RAI14: variants seen among roughly 807,000 people sequenced by gnomAD.
The protein encoded by RAI14 is retinoic acid induced 14, also known as ankycorbin.
In RAI14, 45 loss-of-function variants were observed where a neutral mutation model predicts 115.4. The ratio of observed to expected loss-of-function variants is 0.39; its 90% confidence interval spans 0.31 to 0.50. The LOEUF (loss-of-function observed/expected upper bound fraction) is 0.50, where lower values mean the gene tolerates loss of function less well. Ranked by LOEUF, RAI14 falls within the 20% of genes least tolerant of loss-of-function variation. The probability of loss-of-function intolerance (pLI) is 0.85; values close to 1 mark genes in which losing one functional copy is unlikely to be tolerated. For missense variants in RAI14, 939 were observed against 1,131.2 expected (o/e 0.83, Z 2.44); for synonymous variants, 371 against 415.4 (o/e 0.89, Z 1.30).
chr5:34,810,310 A>C (rs1755429448), intron 7 of RAI14, among the ~76,000 whole-genome samples: 1 of 152,156 alleles, frequency 6.6e-6, no homozygotes, highest in Admixed American at 6.5e-5. Flanking sequence ...AAAAATACTT[A>C]TGTATATTCT....
chr5:34,704,761 G>A (rs1387723420), intron 2 of RAI14, among the ~76,000 whole-genome samples: 1 of 152,122 alleles, frequency 6.6e-6, no homozygotes, highest in Non-Finnish European at 1.5e-5. Flanking sequence ...TGAAGAAATT[G>A]TTACCTTTAT....
chr5:34,737,568 G>T (rs558122060), intron 2 of RAI14, among the ~76,000 whole-genome samples: 1 of 149,342 alleles, frequency 6.7e-6, no homozygotes, highest in South Asian at 2.1e-4. Flanking sequence ...ACCAGCCTGG[G>T]CAACACAGAC....
chr5:34,672,883 G>A (rs1037915148), intron 1 of RAI14, among the ~76,000 whole-genome samples: 1 of 150,484 alleles, frequency 6.6e-6, no homozygotes, highest in Admixed American at 6.6e-5. Flanking sequence ...TTCTCACATT[G>A]TTTCTGCCTA....
Position 34,661,429 on chromosome 5 carries a change from TTTG to T in RAI14, c.-49+4960_-49+4962del, listed in dbSNP as rs565679978. Among the ~76,000 whole-genome samples the T allele has an allele frequency of 9.8e-5, 15 of 152,296 alleles. 1 individual carries two copies. Among genetic ancestry groups the T allele is most frequent in the African/African-American group, 3.6e-4 (15 of 41,570 alleles). On this transcript the variant is annotated intron_variant, in intron 1 of 17. Coordinates refer to ENST00000265109, the MANE Select transcript of RAI14 (RefSeq NM_015577.3). ...GTTTGATGAACAAATGGATATGCTT[TTTG>T]TTGTTATTTTTTCTCTGTGGAATTT... is the stretch of plus-strand genomic sequence containing the variant.
chr5:34,735,688 T>C (rs978035955), intron 2 of RAI14, among the ~76,000 whole-genome samples: 13 of 152,256 alleles, frequency 8.5e-5, no homozygotes, highest in Non-Finnish European at 2.9e-5. Context: ...GTTATTCATC[T>C]TATGGTCTAT....
chr5:34,773,733 A>G (rs1580208915), intron 3 of RAI14, among the ~76,000 whole-genome samples: 1 of 152,220 alleles, frequency 6.6e-6, no homozygotes, highest in African/African-American at 2.4e-5. Flanking sequence ...TAGAATGACT[A>G]TTATTACAAA....
At chr5:34,803,526 C>G (rs1246259430) in intron 4 of RAI14, among the ~76,000 whole-genome samples, 186 bp from the exon 5 acceptor site, 1 of 151,912 alleles carries the variant, frequency 6.6e-6, no homozygotes, top group African/African-American at 2.4e-5. Flanking sequence ...CACTGCATTC[C>G]AGCCTGGGTG....
intron 2 of RAI14, among the ~76,000 whole-genome samples, chr5:34,721,172 C>G (rs1742669740): frequency 6.6e-6 from 1 of 151,658 alleles, no homozygotes. Context: ...TCTGTAAGGT[C>G]TTCGGCCTCC....
At position 34,830,870 on chromosome 5, in the gene RAI14, G is replaced by A. The variant is rs964167195; in HGVS notation, c.*105G>A. Reference sequence around the variant, plus strand: ...GTTCTCATTCGTGGTATGCACTGTGGCCTAGCGTAGCTTCTTCCCTTTCCA... The same window carrying A: ...GTTCTCATTCGTGGTATGCACTGTGACCTAGCGTAGCTTCTTCCCTTTCCA... On this transcript the variant is annotated 3_prime_UTR_variant, in exon 18 of 18. Transcript: ENST00000265109. The A allele has an allele frequency of 1.3e-6, 2 of 1,534,842 alleles. No homozygotes were observed. The highest frequency in any genetic ancestry group is 1.8e-6 in the Non-Finnish European group (2 of 1,140,214).
intron 2 of RAI14, chr5:34,687,485 C>A: frequency 8.2e-7 from 1 of 1,214,898 alleles, no homozygotes; most frequent in Non-Finnish European, 1.1e-6. Context: ...TCTAACCAAT[C>A]CATAAAAGAC....
intron 1 of RAI14, among the ~76,000 whole-genome samples, chr5:34,673,396 C>G (rs1421702946): frequency 6.6e-6 from 1 of 152,200 alleles, no homozygotes; most frequent in Non-Finnish European, 1.5e-5. Flanking sequence ...CCTGCAGATT[C>G]AAAGGGGACA....
chr5:34,755,874 G>A (rs776046342), intron 2 of RAI14, among the ~76,000 whole-genome samples: 4 of 151,720 alleles, frequency 2.6e-5, no homozygotes, highest in Non-Finnish European at 5.9e-5. Flanking sequence ...TCCAAAGCCT[G>A]GGGAAACTGA....
rs898553195 is a variant in RAI14, at chr5:34,784,465, A to T, written c.168-11474A>T. 2.0e-5 allele frequency among the ~76,000 whole-genome samples: 3 copies of T among 152,314 alleles called. No individual in the cohort carries two copies. In the East Asian group the frequency reaches 5.8e-4, roughly 29 times the overall value. On this transcript the variant is annotated intron_variant, in intron 3 of 17. Coordinates refer to ENST00000265109, the MANE Select transcript of RAI14 (RefSeq NM_015577.3). ...CAGCTAAATGGGTTTGCTGAGTAAG[A>T]CTATTTATAAAAGCTTGCTGTATTT...
At chr5:34,730,080 G>C (rs950693020) in intron 2 of RAI14, among the ~76,000 whole-genome samples, 1 of 152,148 alleles carries the variant, frequency 6.6e-6, no homozygotes, top group East Asian at 1.9e-4. Context: ...TGAAAGGCAC[G>C]AGACTGACAT....
chr5:34,677,836 T>C (rs1744100178), intron 1 of RAI14, among the ~76,000 whole-genome samples: 1 of 152,204 alleles, frequency 6.6e-6, no homozygotes, highest in Non-Finnish European at 1.5e-5. Context: ...TCCTCAATGT[T>C]GGTGAAAAAG....
chr5:34,760,740 G>T (rs879910132), intron 3 of RAI14, among the ~76,000 whole-genome samples: 1 of 152,098 alleles, frequency 6.6e-6, no homozygotes, highest in African/African-American at 2.4e-5. Flanking sequence ...GGTAAAATGC[G>T]TATAACATAA....
chr5:34,813,503 T>C, intron 10 of RAI14, 71 bp from the exon 11 acceptor site: 1 of 1,009,572 alleles, frequency 9.9e-7, no homozygotes, highest in Non-Finnish European at 1.5e-6. Flanking sequence ...ATGTGTTTGA[T>C]AAAGCTACTT....
chr5:34,761,679 C>G (rs1427765419), intron 3 of RAI14, among the ~76,000 whole-genome samples: 1 of 152,192 alleles, frequency 6.6e-6, no homozygotes, highest in East Asian at 1.9e-4. Flanking sequence ...CACCTGTGCA[C>G]CCAGGTTCTA....
chr5:34,686,832 T>C (rs1453903338), intron 1 of RAI14, 40 bp from the exon 2 acceptor site: 3 of 1,370,780 alleles, frequency 2.2e-6, no homozygotes, highest in Admixed American at 3.5e-5. Context: ...GAGAATACCT[T>C]ATTTGGAAAC....
Sources: allele counts gnomAD v4.1 joint callset (sites outside exome capture counted in the v4.1 genomes callset), GRCh38; gene constraint gnomAD v4.1.1; transcripts MANE v1.5; gene names NCBI Gene and HGNC (gene_info 2026-07-23, HGNC 2026-07-21).